The following CCDC171 variants were observed in gnomAD, a reference collection of about 807,000 sequenced individuals.
CCDC171 encodes the protein coiled-coil domain containing 171.
CCDC171 carries 177 observed loss-of-function variants against 168.2 expected under a neutral mutation model. The observed-to-expected ratio is 1.05, with a 90% CI of 0.93 to 1.19. The LOEUF is 1.19. Ranked by LOEUF, CCDC171 falls within the 50% of genes most tolerant of loss-of-function variation. The pLI is 0.00. For missense variants in CCDC171, 1,991 were observed against 1,539.0 expected, an observed-to-expected ratio of 1.29 and a Z score of -4.91; for synonymous variants, 687 against 540.8, an observed-to-expected ratio of 1.27 and a Z score of -3.75.
intron 19 of CCDC171, 112 bp from the exon 20 acceptor site, chr9:15,778,852 ATAGC>A (rs2057495167): frequency 5.8e-6 from 4 of 688,770 alleles, no homozygotes; most frequent in Admixed American, 4.0e-5. Flanking sequence ...CATTTCTGTA[ATAGC>A]TAGCACTGGT....
chr9:16,094,204 A>C, the CCDC171 span, among the ~76,000 whole-genome samples: 2 of 152,202 alleles, frequency 1.3e-5, no homozygotes, highest in Admixed American at 1.3e-4. Context: ...CAGCTGCATC[A>C]GGTTAAAGTA....
At chr9:15,907,326 C>T (rs1394357589) in intron 24 of CCDC171, among the ~76,000 whole-genome samples, 1 of 152,178 alleles carries the variant, frequency 6.6e-6, no homozygotes, top group Middle Eastern at 3.2e-3. Context: ...ACCAATGGAA[C>T]AGAACAGAGC....
Position 15,833,680 on chromosome 9 carries a change from AG to A in CCDC171, c.3268-13019del, listed in dbSNP as rs1238889553. On this transcript the variant is annotated intron_variant, in intron 21 of 25. Transcript: ENST00000380701. ...TATAAACCTCCAATGTGGAGGCTTA[AG>A]GGACTATGTAAATTTTGTTAGCATT... is the stretch of plus-strand genomic sequence containing the variant. 2.0e-5 allele frequency among the ~76,000 whole-genome samples: 3 copies of A among 152,360 alleles called. No homozygotes were observed. The South Asian group carries it at 6.2e-4, about 32-fold the overall frequency.
rs142109844 is a variant in CCDC171, at chr9:15,844,491, C to T, written c.3268-2211C>T. 2.3e-4 allele frequency among the ~76,000 whole-genome samples: 35 copies of T among 151,880 alleles called. No homozygotes were observed. In the East Asian group the frequency reaches 6.4e-3, roughly 28 times the overall value. On this transcript the variant is annotated intron_variant, in intron 21 of 25. Transcript: ENST00000380701. The stretch of plus-strand genomic sequence containing the variant: ...CACACATCCCCATCAATCTTAGGAC[C>T]CACTGATGTATTTTATGATGTCATT...
At chr9:15,626,856 T>C (rs890465866) in intron 7 of CCDC171, among the ~76,000 whole-genome samples, 15 of 152,222 alleles carry the variant, frequency 9.9e-5, no homozygotes, top group Admixed American at 2.0e-4. Context: ...GAGTTCCCTC[T>C]TTTTCTAATG....
intron 14 of CCDC171, 84 bp downstream of exon 14, chr9:15,725,060 T>C: frequency 2.0e-6 from 2 of 1,005,980 alleles, no homozygotes; most frequent in Non-Finnish European, 3.0e-6. Flanking sequence ...TTTACTTGTA[T>C]TTAATTAAGA....
chr9:15,623,358 C>G lies in CCDC171; in HGVS notation c.767C>G (p.Thr256Arg), dbSNP rs778939983. 3 of 1,612,116 alleles carry G rather than the reference C, an allele frequency of 1.9e-6. No homozygotes were observed. Among genetic ancestry groups the G allele is most frequent in the East Asian group, 2.2e-5 (1 of 44,816 alleles). Residue 256 changes from threonine to arginine, a missense_variant, in exon 7 of 26, where the codon ACA (threonine) becomes AGA (arginine). Thr to Arg is a moderately conservative substitution (Grantham distance 71). Transcript: ENST00000380701. ...MDCSDLLRRQ[T>R]SELEFSTQRE... Reference sequence around the variant, plus strand: ...TGCTCTGACCTTTTACGGCGACAAACAAGTGAACTTGAATTTAGCACTCAA... The same window carrying G: ...TGCTCTGACCTTTTACGGCGACAAAGAAGTGAACTTGAATTTAGCACTCAA...
chr9:15,578,245 T>A (rs940879932), intron 3 of CCDC171, among the ~76,000 whole-genome samples: 9 of 150,650 alleles, frequency 6.0e-5, no homozygotes, highest in African/African-American at 2.2e-4. Context: ...TTTCTTTATT[T>A]TTTTTTTTTT....
At chr9:15,600,422 G>C (rs2042748206) in intron 6 of CCDC171, among the ~76,000 whole-genome samples, 3 of 152,170 alleles carry the variant, frequency 2.0e-5, no homozygotes, top group African/African-American at 7.2e-5. Flanking sequence ...GTTTGCCTGG[G>C]TATCAGCAGT....
rs1825428317 is a variant in CCDC171 at position 15,922,259 on chromosome 9, C to T, written c.3753+1837C>T. On this transcript the variant is annotated intron_variant, in intron 25 of 25. Transcript: ENST00000380701. ...ATGTCTTGACAGGATGTGTGCTCTC[C>T]TGTCTTTTCCCTTAGTTGAGAATCA... 4 of 255,780 alleles carry T rather than the reference C, an allele frequency of 1.6e-5. No homozygotes were observed. The South Asian group carries it at 1.6e-4, about 11-fold the overall frequency. The allele number at this position is 255,780 out of a possible 1,614,324, so 15.8% of individuals were successfully genotyped here.
At chr9:16,094,560 A>G in the CCDC171 span, among the ~76,000 whole-genome samples, 1 of 152,180 alleles carries the variant, frequency 6.6e-6, no homozygotes, top group African/African-American at 2.4e-5. Flanking sequence ...AGTCCACAAA[A>G]GGACTGATAG....
At chr9:15,784,792 G>C (rs905960396) in intron 21 of CCDC171, 98 bp downstream of exon 21, 1 of 892,788 alleles carries the variant, frequency 1.1e-6, no homozygotes, top group Non-Finnish European at 1.7e-6. Context: ...TAGATCCCAA[G>C]ATGTAAAATT....
Position 15,791,366 on chromosome 9 carries a change from A to G in CCDC171, c.3267+6672A>G, listed in dbSNP as rs547939263. Among the ~76,000 whole-genome samples, 1,057 of 152,130 alleles carry G rather than the reference A, an allele frequency of 6.9e-3. 9 individuals are homozygous for G. The highest frequency in any genetic ancestry group is 0.024 in the African/African-American group (1,000 of 41,504). On this transcript the variant is annotated intron_variant, in intron 21 of 25. Coordinates refer to ENST00000380701, the MANE Select transcript of CCDC171 (RefSeq NM_173550.4). ...TTTATTCTCTTTGAAGCAATTGTGA[A>G]TGGGAGTTCACTCATGATTTGGCTC... is the stretch of plus-strand genomic sequence containing the variant.
chr9:15,565,739 A>G (rs1484483488), intron 2 of CCDC171, among the ~76,000 whole-genome samples: 1 of 152,182 alleles, frequency 6.6e-6, no homozygotes, highest in Non-Finnish European at 1.5e-5. Context: ...TGGATATGCC[A>G]CATTATGCCC....
chr9:15,891,902 C>T (rs1225180307), intron 24 of CCDC171, among the ~76,000 whole-genome samples: 1 of 152,064 alleles, frequency 6.6e-6, no homozygotes, highest in African/African-American at 2.4e-5. Context: ...CACTGAGTAC[C>T]AGCATGTATG....
chr9:16,100,003 TA>T, the CCDC171 span, among the ~76,000 whole-genome samples: 166 of 145,510 alleles, frequency 1.1e-3, no homozygotes, highest in East Asian at 2.2e-3. Context: ...GCTTTCAAGT[TA>T]AAAAAAAAAA....
intron 3 of CCDC171, among the ~76,000 whole-genome samples, chr9:15,997,486 C>T (rs1033571896): frequency 6.6e-6 from 1 of 152,160 alleles, no homozygotes; most frequent in Non-Finnish European, 1.5e-5. Context: ...TGCTTGGCTG[C>T]CAGAGTCCAG....
chr9:15,629,417 A>G (rs544559608), intron 7 of CCDC171, among the ~76,000 whole-genome samples: 64 of 152,342 alleles, frequency 4.2e-4, no homozygotes, highest in Admixed American at 1.1e-3. Context: ...AACTGGAAGA[A>G]AGGGTATCAG....
intron 23 of CCDC171, among the ~76,000 whole-genome samples, chr9:15,854,901 T>C (rs1310054434): frequency 1.3e-5 from 2 of 151,776 alleles, no homozygotes; most frequent in East Asian, 3.9e-4. Context: ...CCACACTTTA[T>C]TTTTGCTATG....
Sources: allele counts gnomAD v4.1 joint callset (sites outside exome capture counted in the v4.1 genomes callset), GRCh38; gene constraint gnomAD v4.1.1; transcripts MANE v1.5; gene names NCBI Gene and HGNC (gene_info 2026-07-23, HGNC 2026-07-21).